PLEKHA1: variants seen among roughly 807,000 people sequenced by gnomAD.
PLEKHA1 encodes the protein pleckstrin homology domain-containing family A member 1.
In PLEKHA1, 34 loss-of-function variants were observed where a neutral mutation model predicts 52.0. The observed-to-expected ratio is 0.65, with a 90% confidence interval of 0.50 to 0.87. PLEKHA1 has a LOEUF of 0.87. Ranked by LOEUF, PLEKHA1 falls within the 40% of genes least tolerant of loss-of-function variation. PLEKHA1 has a pLI of 0.00. For missense variants in PLEKHA1, 497 were observed against 504.2 expected (o/e 0.99, Z 0.14); for synonymous variants, 163 against 170.7 (o/e 0.95, Z 0.35).
At chr10:122,408,264 G>A (rs187243559) in intron 5 of PLEKHA1, among the ~76,000 whole-genome samples, 14 of 152,258 alleles carry the variant, frequency 9.2e-5, no homozygotes, top group African/African-American at 3.4e-4. Context: ...GTAGTGAATG[G>A]TCTCAGGCTT....
chr10:122,407,906 TAAAG>T (rs1369722445), intron 5 of PLEKHA1, among the ~76,000 whole-genome samples: 3 of 152,206 alleles, frequency 2.0e-5, no homozygotes, highest in African/African-American at 4.8e-5. Context: ...CACAACACAA[TAAAG>T]AGTCAATATA....
chr10:122,416,126 G>C (rs186784562), intron 7 of PLEKHA1, 124 bp downstream of exon 7: 1 of 1,055,596 alleles, frequency 9.5e-7, no homozygotes, highest in African/African-American at 1.6e-5. Flanking sequence ...GGCATGCTGA[G>C]GAGAGTCAGG....
At chr10:122,376,013 G>T (rs1187982379) in intron 1 of PLEKHA1, among the ~76,000 whole-genome samples, 2 of 152,082 alleles carry the variant, frequency 1.3e-5, no homozygotes, top group Non-Finnish European at 2.9e-5. Context: ...TAGAACTCCT[G>T]ATCAATCTGC....
At chr10:122,390,929 C>T (rs2096767042) in intron 1 of PLEKHA1, among the ~76,000 whole-genome samples, 1 of 152,080 alleles carries the variant, frequency 6.6e-6, no homozygotes, top group South Asian at 2.1e-4. Context: ...TAGGAGGGTT[C>T]CAGTTTCTCC....
chr10:122,438,730 G>A, the PLEKHA1 span: 1 of 152,126 alleles, frequency 6.6e-6, no homozygotes. Context: ...AGTCATTTTT[G>A]TCACGCTCCT....
intron 2 of PLEKHA1, among the ~76,000 whole-genome samples, chr10:122,394,947 A>G (rs1336832759): frequency 6.6e-6 from 1 of 152,246 alleles, no homozygotes; most frequent in African/African-American, 2.4e-5. Context: ...AAAATAGAAT[A>G]TATTTATTAC....
the PLEKHA1 span, chr10:122,441,955 C>A: frequency 6.6e-6 from 1 of 152,202 alleles, no homozygotes; most frequent in Non-Finnish European, 1.5e-5. Context: ...ACAGGGGACA[C>A]TGAGTAACGT....
chr10:122,426,773 C>G (rs1467634523), intron 10 of PLEKHA1, among the ~76,000 whole-genome samples, 169 bp from the exon 11 acceptor site: 1 of 152,108 alleles, frequency 6.6e-6, no homozygotes, highest in African/African-American at 2.4e-5. Context: ...TAGTTAAGAC[C>G]TAGCAAAACC....
At chr10:122,425,943 A>G (rs980654958) in intron 10 of PLEKHA1, among the ~76,000 whole-genome samples, 1 of 152,022 alleles carries the variant, frequency 6.6e-6, no homozygotes, top group African/African-American at 2.4e-5. Context: ...GTTATATCCT[A>G]TTTGTTTCAT....
At chr10:122,412,836 A>G in intron 5 of PLEKHA1, 84 bp from the exon 6 acceptor site, 2 of 1,458,370 alleles carry the variant, frequency 1.4e-6, no homozygotes, top group Non-Finnish European at 9.5e-7. Context: ...ATGCAAACGG[A>G]TGAATAATTA....
chr10:122,407,488 G>A (rs10887149), intron 5 of PLEKHA1, among the ~76,000 whole-genome samples: 39,628 of 151,990 alleles, frequency 0.26, 5,738 homozygotes, highest in Non-Finnish European at 0.33. Context: ...CAGTTTTTTG[G>A]CCTCTGGAGC....
chr10:122,383,751 A>G (rs1247477311), intron 1 of PLEKHA1, among the ~76,000 whole-genome samples: 1 of 152,184 alleles, frequency 6.6e-6, no homozygotes, highest in Non-Finnish European at 1.5e-5. Flanking sequence ...ATCAGACAAT[A>G]TTCAAATTTC....
At chr10:122,402,307 A>G (rs532328058) in intron 4 of PLEKHA1, among the ~76,000 whole-genome samples, 1 of 152,320 alleles carries the variant, frequency 6.6e-6, no homozygotes, top group South Asian at 2.1e-4. Flanking sequence ...TAGTGGGAGT[A>G]AAGATTCATG....
downstream of PLEKHA1, chr10:122,436,004 A>T (rs2097436333): frequency 6.6e-6 from 1 of 152,224 alleles, no homozygotes; most frequent in Admixed American, 6.5e-5. Context: ...GATACAGTCA[A>T]GATGCAGAAC....
Position 122,393,595 on chromosome 10 carries a change from G to T in PLEKHA1, c.141+254G>T, listed in dbSNP as rs1427426481. Among the ~76,000 whole-genome samples the T allele has an allele frequency of 2.6e-5, 4 of 152,028 alleles. No homozygotes were observed. Among genetic ancestry groups the T allele is most frequent in the African/African-American group, 9.7e-5 (4 of 41,392 alleles). ...CCTCGAGAGAGAAATACTCTCTCTG[G>T]TGGCAAATTAGGTTTTAGAAAATTA... On this transcript the variant is annotated intron_variant, in intron 2 of 11. Coordinates refer to ENST00000368990, the MANE Select transcript of PLEKHA1 (RefSeq NM_001001974.4). The surrounding 1 kb of genome is among the most constrained non-coding windows in gnomAD (Gnocchi z 4.5).
At chr10:122,415,631 A>T (rs903094279) in intron 6 of PLEKHA1, among the ~76,000 whole-genome samples, 7 of 152,230 alleles carry the variant, frequency 4.6e-5, no homozygotes, top group Non-Finnish European at 1.0e-4. Context: ...CCTTCCCCAA[A>T]AAAGAGCACT....
At chr10:122,375,296 G>C (rs1466655126) in intron 1 of PLEKHA1, among the ~76,000 whole-genome samples, 1 of 152,128 alleles carries the variant, frequency 6.6e-6, no homozygotes, top group Non-Finnish European at 1.5e-5. Context: ...CGGGGCGCGC[G>C]TCCCCGGGCA....
At chr10:122,398,048 GT>G (rs2096874816) in intron 3 of PLEKHA1, 74 bp downstream of exon 3, 1 of 1,246,086 alleles carries the variant, frequency 8.0e-7, no homozygotes, top group Non-Finnish European at 1.2e-6. Flanking sequence ...AGAAGCAGCA[GT>G]TTCCTTTCCA....
At chr10:122,405,038 A>C (rs1324999895) in intron 4 of PLEKHA1, among the ~76,000 whole-genome samples, 2 of 152,214 alleles carry the variant, frequency 1.3e-5, no homozygotes, top group African/African-American at 4.8e-5. Context: ...TATGCTTTTA[A>C]AAATAAATGC....
Sources: allele counts gnomAD v4.1 joint callset (sites outside exome capture counted in the v4.1 genomes callset), GRCh38; gene constraint gnomAD v4.1.1; non-coding constraint Gnocchi (gnomAD v3.1); transcripts MANE v1.5; gene names NCBI Gene and HGNC (gene_info 2026-07-23, HGNC 2026-07-21).